Variants in CENPC observed in about 807,000 individuals in gnomAD.
CENPC encodes the protein CENP-C 1.
In CENPC, 63 loss-of-function variants were observed where a neutral mutation model predicts 112.1. That is an observed-to-expected ratio of 0.56 (90% CI 0.46 to 0.69). The LOEUF (loss-of-function observed/expected upper bound fraction) is 0.69, where lower values mean the gene tolerates loss of function less well. Ranked by LOEUF, CENPC falls within the 30% of genes least tolerant of loss-of-function variation. The pLI, the probability that CENPC is intolerant of heterozygous loss-of-function variation, is 0.00. For missense variants in CENPC, 1,000 were observed against 1,103.8 expected, an observed-to-expected ratio of 0.91 and a Z score of 1.33; for synonymous variants, 333 against 367.6, an observed-to-expected ratio of 0.91 and a Z score of 1.08.
intron 17 of CENPC, among the ~76,000 whole-genome samples, chr4:67,479,690 T>C (rs1724900680): frequency 6.6e-6 from 1 of 151,984 alleles, no homozygotes; most frequent in Non-Finnish European, 1.5e-5. Flanking sequence ...AAACAAAACC[T>C]AAACCCAGCA....
chr4:67,512,997 C>G (rs901577023), intron 8 of CENPC, among the ~76,000 whole-genome samples: 3 of 152,034 alleles, frequency 2.0e-5, no homozygotes, highest in African/African-American at 7.2e-5. Context: ...CTTGGATCAT[C>G]CAGGTTGACC....
At chr4:67,477,342 A>G (rs910232511) in intron 17 of CENPC, among the ~76,000 whole-genome samples, 3 of 152,212 alleles carry the variant, frequency 2.0e-5, no homozygotes, top group African/African-American at 7.2e-5. Context: ...GCTGAGATCC[A>G]TGGCTGAGAG....
rs1724671797 is a variant in CENPC, at chr4:67,471,982, G to C, written c.*623C>G. 6.6e-6 allele frequency: 1 copy of C among 152,214 alleles called. No homozygotes were observed. The highest frequency in any genetic ancestry group is 2.1e-4 in the South Asian group (1 of 4,830). The allele number at this position is 152,214 out of a possible 1,614,324, so 9.4% of individuals were successfully genotyped here. On this transcript the variant is annotated 3_prime_UTR_variant, in exon 19 of 19. Coordinates refer to ENST00000273853, the MANE Select transcript of CENPC (RefSeq NM_001812.4). ...AGAATACCATGTGATAATGCAAGTA[G>C]ATTGAAATGCTACCGGTGCAAGCCA...
chr4:67,483,108 T>C (rs1373044110), intron 17 of CENPC, among the ~76,000 whole-genome samples: 1 of 152,192 alleles, frequency 6.6e-6, no homozygotes, highest in African/African-American at 2.4e-5. Flanking sequence ...CCTTCTGCCA[T>C]AATTGTAAGT....
chr4:67,543,404 A>T (rs893254165), intron 2 of CENPC, among the ~76,000 whole-genome samples: 1 of 152,180 alleles, frequency 6.6e-6, no homozygotes, highest in Non-Finnish European at 1.5e-5. Context: ...TTTTCTTAAT[A>T]TCAACAACAC....
At chr4:67,532,866 T>C (rs958793728) in intron 4 of CENPC, among the ~76,000 whole-genome samples, 1 of 152,224 alleles carries the variant, frequency 6.6e-6, no homozygotes, top group Non-Finnish European at 1.5e-5. Context: ...CTGCACGTTG[T>C]GCACATGTAC....
rs1160601322 is a variant in CENPC at position 67,539,925 on chromosome 4, T to C, written c.146A>G (p.Asn49Ser). Residue 49 changes from asparagine to serine, a missense_variant, in exon 4 of 19, where the codon AAT becomes AGT. Coordinates refer to ENST00000273853, the MANE Select transcript of CENPC (RefSeq NM_001812.4). ...QDCFEEKSLA[N>S]DFSTNSTKSV... is the part of the protein sequence containing the mutation. Reference sequence around the variant, plus strand: ...TTTTGTAGAATTTGTACTAAAATCATTGGCAAGACCTAAAACAAAAGTATG... The same window carrying C: ...TTTTGTAGAATTTGTACTAAAATCACTGGCAAGACCTAAAACAAAAGTATG... 4.0e-6 allele frequency: 6 copies of C among 1,510,342 alleles called. No individual in the cohort carries two copies. Among genetic ancestry groups the C allele is most frequent in the Non-Finnish European group, 5.3e-6 (6 of 1,130,940 alleles). The allele number at this position is 1,510,342 out of a possible 1,614,324, so 93.6% of individuals were successfully genotyped here.
chr4:67,485,520 G>A (rs1167545274), intron 17 of CENPC, among the ~76,000 whole-genome samples: 1 of 152,134 alleles, frequency 6.6e-6, no homozygotes, highest in Non-Finnish European at 1.5e-5. Flanking sequence ...ACGTAATTAG[G>A]TCCTGAGTGC....
intron 16 of CENPC, among the ~76,000 whole-genome samples, chr4:67,491,344 T>G (rs553859778): frequency 6.7e-6 from 1 of 150,020 alleles, no homozygotes. Context: ...CAGCTACCAT[T>G]ACCGCGTTTC....
Position 67,471,878 on chromosome 4 carries a change from T to C in CENPC, c.*727A>G, listed in dbSNP as rs1217893924. ...AGGACACTGCCTCCAACAGAAAATA[T>C]GAACCAAAAAGCATAATGGAAAAAC... On this transcript the variant is annotated 3_prime_UTR_variant, in exon 19 of 19. Transcript: ENST00000273853. 2 of 152,312 alleles carry C rather than the reference T, an allele frequency of 1.3e-5. No homozygotes were observed. Among genetic ancestry groups the C allele is most frequent in the Non-Finnish European group, 1.5e-5 (1 of 68,020 alleles). The allele number at this position is 152,312 out of a possible 1,614,324, so 9.4% of individuals were successfully genotyped here.
At chr4:67,500,408 A>G (rs922445539) in intron 12 of CENPC, among the ~76,000 whole-genome samples, 1 of 152,240 alleles carries the variant, frequency 6.6e-6, no homozygotes, top group Non-Finnish European at 1.5e-5. Context: ...GAGAAAGACT[A>G]GAAGCAATGG....
intron 17 of CENPC, among the ~76,000 whole-genome samples, chr4:67,487,940 G>A (rs1029931691): frequency 4.0e-5 from 6 of 151,262 alleles, no homozygotes; most frequent in Admixed American, 3.9e-4. Context: ...ATTTGTAAGT[G>A]TGCTTCATGT....
intron 5 of CENPC, among the ~76,000 whole-genome samples, chr4:67,519,892 T>C (rs1196208862): frequency 6.6e-6 from 1 of 152,178 alleles, no homozygotes; most frequent in Non-Finnish European, 1.5e-5. Context: ...CAGAACGAGA[T>C]GGCATTTCCC....
At chr4:67,513,218 C>A (rs1725946243) in intron 8 of CENPC, among the ~76,000 whole-genome samples, 1 of 151,918 alleles carries the variant, frequency 6.6e-6, no homozygotes, top group Non-Finnish European at 1.5e-5. Context: ...AGAAAGAAAA[C>A]CCCACCAATA....
chr4:67,541,441 T>C (rs920446563), intron 2 of CENPC, among the ~76,000 whole-genome samples: 4 of 152,188 alleles, frequency 2.6e-5, no homozygotes, highest in African/African-American at 9.6e-5. Flanking sequence ...CTCAAATGCA[T>C]TTCTAATTCA....
At chr4:67,530,693 AC>A (rs1446476773) in intron 5 of CENPC, 121 bp downstream of exon 5, 1 of 425,982 alleles carries the variant, frequency 2.3e-6, no homozygotes, top group African/African-American at 2.1e-5. Flanking sequence ...CATCCATTTC[AC>A]AATTCACAAT....
At chr4:67,491,989 G>A (rs113123013) in intron 16 of CENPC, among the ~76,000 whole-genome samples, 191 bp downstream of exon 16, 113 of 152,222 alleles carry the variant, frequency 7.4e-4, no homozygotes, top group African/African-American at 2.5e-3. Flanking sequence ...GTGTCCCCTG[G>A]AGCTGTCTGA....
At chr4:67,478,215 C>T (rs1046453993) in intron 17 of CENPC, among the ~76,000 whole-genome samples, 6 of 152,060 alleles carry the variant, frequency 3.9e-5, no homozygotes, top group African/African-American at 7.2e-5. Context: ...GAAAATTCAT[C>T]GCAAAAAGAT....
chr4:67,543,494 A>G (rs768564191), intron 2 of CENPC, among the ~76,000 whole-genome samples: 50 of 152,176 alleles, frequency 3.3e-4, no homozygotes, highest in Middle Eastern at 3.2e-3. Context: ...TCTATGATAC[A>G]CAAGTCATTA....
Sources: gnomAD v4.1 joint callset for allele counts (sites outside exome capture counted in the v4.1 genomes callset) on GRCh38, gnomAD v4.1.1 for gene constraint, MANE v1.5 for transcripts, NCBI Gene and HGNC (gene_info 2026-07-23, HGNC 2026-07-21) for gene names.